TEAD1: variants seen among roughly 807,000 people sequenced by gnomAD.
TEAD1 encodes TEA domain transcription factor 1.
TEAD1 carries 9 observed loss-of-function variants against 54.9 expected under a neutral mutation model. The observed-to-expected ratio is 0.16, with a 90% CI of 0.10 to 0.29. The LOEUF is 0.29. Ranked by LOEUF, TEAD1 falls within the 10% of genes least tolerant of loss-of-function variation. The probability of loss-of-function intolerance (pLI) is 1.00; values close to 1 mark genes in which losing one functional copy is unlikely to be tolerated. For missense variants in TEAD1, 387 were observed against 535.9 expected (o/e 0.72, Z 2.74); for synonymous variants, 200 against 187.8 (o/e 1.07, Z -0.53).
intron 3 of TEAD1, among the ~76,000 whole-genome samples, chr11:12,778,854 T>G (rs1945487298): frequency 1.3e-5 from 2 of 152,306 alleles, no homozygotes; most frequent in South Asian, 4.1e-4. Context: ...TCTGTTAGAT[T>G]GTTTTATCTT....
intron 7 of TEAD1, 121 bp from the exon 8 acceptor site, chr11:12,881,775 C>T (rs1947974529): frequency 2.0e-6 from 2 of 987,562 alleles, no homozygotes; most frequent in South Asian, 1.3e-5. Context: ...TGTGCTACCA[C>T]CTGCAGGCAG....
intron 3 of TEAD1, among the ~76,000 whole-genome samples, chr11:12,776,272 GGAGA>G (rs774320075): frequency 2.6e-5 from 4 of 152,332 alleles, no homozygotes; most frequent in East Asian, 1.9e-4. Context: ...GATGGTGATG[GGAGA>G]GAGAAAGGAA....
chr11:12,849,721 G>A (rs547367156), intron 3 of TEAD1, among the ~76,000 whole-genome samples: 6 of 152,268 alleles, frequency 3.9e-5, no homozygotes, highest in African/African-American at 1.4e-4. Flanking sequence ...AACACCTCCA[G>A]CCTATTCATA....
Position 12,674,469 on chromosome 11 carries a change from C to G in TEAD1, c.-573C>G, listed in dbSNP as rs1437563206. ...TCGCGCCGCGCCGCGCCGCCTGAGC[C>G]GAGCCGAGCCTCTGCTGCCGCCGCC... On this transcript the variant is annotated 5_prime_UTR_variant, in exon 1 of 13. Transcript: ENST00000527636. 2.6e-4 allele frequency: 40 copies of G among 151,660 alleles called. 2 individuals carry two copies. Among genetic ancestry groups the G allele is most frequent in the Admixed American group, 2.6e-3 (39 of 15,094 alleles). 9.4% of individuals were successfully genotyped at this position (151,660 alleles called of 1,614,324 possible). A position where few individuals can be genotyped will look rare whatever the true frequency, so the allele number is the denominator to read the frequency against.
chr11:12,806,744 G>T (rs575346847), intron 3 of TEAD1, among the ~76,000 whole-genome samples: 1 of 152,326 alleles, frequency 6.6e-6, no homozygotes, highest in East Asian at 1.9e-4. Context: ...CCTCGTAAAT[G>T]ATCTAAACAT....
At chr11:12,844,254 T>C (rs1947095626) in intron 3 of TEAD1, among the ~76,000 whole-genome samples, 1 of 152,190 alleles carries the variant, frequency 6.6e-6, no homozygotes. Context: ...CAAATTTTAA[T>C]CCAAGGTTAA....
At position 12,855,880 on chromosome 11, in the gene TEAD1, C is replaced by G. The variant is rs886992170; in HGVS notation, c.203-6370C>G. Among the ~76,000 whole-genome samples, 97 of 150,148 alleles carry G rather than the reference C, an allele frequency of 6.5e-4. 1 individual carries two copies. The highest frequency in any genetic ancestry group is 2.5e-3 in the Admixed American group (37 of 15,054). ...GGAGGATCACTTGAGCCCGGGAGAT[C>G]AAGGCTACAGTGAGCCATGATCATG... is the stretch of plus-strand genomic sequence containing the variant. On this transcript the variant is annotated intron_variant, in intron 3 of 12. Transcript: ENST00000527636.
At chr11:12,879,414 A>C (rs1947920672) in intron 5 of TEAD1, 1 of 595,050 alleles carries the variant, frequency 1.7e-6, no homozygotes, top group African/African-American at 1.9e-5. Flanking sequence ...GGAAGCTGAC[A>C]AGCTAAATAA....
At chr11:12,909,208 A>G (rs1042413157) in intron 10 of TEAD1, among the ~76,000 whole-genome samples, 2 of 152,338 alleles carry the variant, frequency 1.3e-5, no homozygotes, top group East Asian at 1.9e-4. Context: ...TTGAAATACC[A>G]TATTTCTTCA....
intron 3 of TEAD1, among the ~76,000 whole-genome samples, chr11:12,853,725 T>G (rs1025134995): frequency 1.6e-4 from 24 of 152,218 alleles, no homozygotes; most frequent in Non-Finnish European, 3.1e-4. Flanking sequence ...AAGGCAAATG[T>G]GTAGTTTGTA....
At position 12,943,254 on chromosome 11, in the gene TEAD1, A is replaced by G. The variant is rs890345499; in HGVS notation, c.*6032A>G. The G allele has an allele frequency of 6.6e-6, 1 of 152,602 alleles. No homozygotes were observed. The highest frequency in any genetic ancestry group is 1.5e-5 in the Non-Finnish European group (1 of 68,048). The allele number at this position is 152,602 out of a possible 1,614,324, so 9.5% of individuals were successfully genotyped here. On this transcript the variant is annotated 3_prime_UTR_variant, in exon 13 of 13. Coordinates refer to ENST00000527636, the MANE Select transcript of TEAD1 (RefSeq NM_021961.6). ...ACCTAACTTATAGTTAGCAGCTGGA[A>G]TTCTCAACTCTTCCCTGCCAGCACT...
At chr11:12,903,142 C>G (rs1441867306) in intron 10 of TEAD1, among the ~76,000 whole-genome samples, 3 of 152,140 alleles carry the variant, frequency 2.0e-5, no homozygotes, top group African/African-American at 7.2e-5. Flanking sequence ...ATTTCATCCT[C>G]CACGTTTTAG....
In TEAD1 at chr11:12,731,704, A is replaced by G. The variant is rs371922753; in HGVS notation, c.-54-32475A>G. ...TTCTGCCTTAGACTTCTTTACCTAG[A>G]CTATAAGTCGAGGTAAACTGTTTCC... On this transcript the variant is annotated intron_variant, in intron 2 of 12. Transcript: ENST00000527636. Among the ~76,000 whole-genome samples the G allele has an allele frequency of 3.3e-5, 5 of 152,296 alleles. No individual in the cohort carries two copies. In the South Asian group the frequency reaches 1.0e-3, roughly 32 times the overall value.
intron 3 of TEAD1, among the ~76,000 whole-genome samples, chr11:12,824,810 G>A (rs1946617984): frequency 6.6e-6 from 1 of 152,162 alleles, no homozygotes. Context: ...GAACCGTGCT[G>A]ACCTGGAGCC....
At chr11:12,818,456 G>T (rs557046499) in intron 3 of TEAD1, among the ~76,000 whole-genome samples, 2 of 152,240 alleles carry the variant, frequency 1.3e-5, no homozygotes, top group South Asian at 4.1e-4. Flanking sequence ...AGGCTTTGGG[G>T]CCTCCCTGGG....
chr11:12,785,455 C>T (rs1341242149), intron 3 of TEAD1, among the ~76,000 whole-genome samples: 1 of 152,142 alleles, frequency 6.6e-6, no homozygotes, highest in Admixed American at 6.5e-5. Flanking sequence ...CTATAATGAC[C>T]ATATCATTTA....
chr11:12,930,243 A>G lies in TEAD1; in HGVS notation c.1084A>G (p.Met362Val). ...AAACCGCTCCCCAATGTGTGAATATATGATCAACTTCATCCACAAGCTCAA... is the reference window on the plus strand; with the variant it reads ...AAACCGCTCCCCAATGTGTGAATATGTGATCAACTTCATCCACAAGCTCAA... The change falls in exon 12 of 13, where the codon ATG becomes GTG. Residue 362 changes from methionine to valine, a missense_variant. Met to Val is a conservative substitution (Grantham distance 21). Coordinates refer to ENST00000527636, the MANE Select transcript of TEAD1 (RefSeq NM_021961.6). 6.2e-7 allele frequency: 1 copy of G among 1,614,270 alleles called. No homozygotes were observed. Among genetic ancestry groups the G allele is most frequent in the Non-Finnish European group, 8.5e-7 (1 of 1,180,050 alleles).
intron 3 of TEAD1, among the ~76,000 whole-genome samples, chr11:12,770,787 T>C (rs1409078029): frequency 6.6e-6 from 1 of 152,194 alleles, no homozygotes; most frequent in Non-Finnish European, 1.5e-5. Context: ...CCTGGTTTAG[T>C]AGTGGAGCAG....
chr11:12,720,921 A>G (rs950716910), intron 2 of TEAD1, among the ~76,000 whole-genome samples: 4 of 152,114 alleles, frequency 2.6e-5, no homozygotes, highest in African/African-American at 7.2e-5. Flanking sequence ...CAGCCCCGAC[A>G]CTTCCTCTGG....
Sources: allele counts gnomAD v4.1 joint callset (sites outside exome capture counted in the v4.1 genomes callset), GRCh38; gene constraint gnomAD v4.1.1; transcripts MANE v1.5; gene names NCBI Gene and HGNC (gene_info 2026-07-23, HGNC 2026-07-21).